DRICH1: variants seen among roughly 807,000 people sequenced by gnomAD.
DRICH1 encodes aspartate-rich protein 1.
A neutral mutation model predicts 39.5 loss-of-function variants in DRICH1; 38 were observed. The observed-to-expected ratio is 0.96, with a 90% CI of 0.74 to 1.26. The LOEUF (loss-of-function observed/expected upper bound fraction) is 1.26. DRICH1 is among the 50% of genes most tolerant of loss of function. The pLI is 0.00. For missense variants in DRICH1, 279 were observed against 270.4 expected (o/e 1.03, Z -0.22); for synonymous variants, 84 against 99.5 (o/e 0.84, Z 0.93).
At chr22:23,620,782 C>G (rs948326023) in intron 4 of DRICH1, among the ~76,000 whole-genome samples, 167 bp from the exon 5 acceptor site, 9 of 140,300 alleles carry the variant, frequency 6.4e-5, no homozygotes, top group South Asian at 2.2e-4. Flanking sequence ...GTGGAAAAGA[C>G]AAGAGTTTTC....
the DRICH1 span, among the ~76,000 whole-genome samples, chr22:23,597,474 G>C: frequency 1.6e-5 from 2 of 127,454 alleles, no homozygotes; most frequent in African/African-American, 6.2e-5. Flanking sequence ...CTGCACTCCA[G>C]CCTGGGTGAC....
At chr22:23,602,020 G>C in the DRICH1 span, among the ~76,000 whole-genome samples, 11 of 27,742 alleles carry the variant, frequency 4.0e-4, no homozygotes, top group African/African-American at 1.4e-3. Context: ...CTGAGAGCAG[G>C]GGCTCACCCC....
At chr22:23,615,216 A>G (rs1927283348) in intron 8 of DRICH1, among the ~76,000 whole-genome samples, 3 of 152,164 alleles carry the variant, frequency 2.0e-5, no homozygotes, top group African/African-American at 7.2e-5. Context: ...TCTACTAAAA[A>G]TACAAAAAAA....
At chr22:23,595,277 G>T in the DRICH1 span, among the ~76,000 whole-genome samples, 1 of 148,826 alleles carries the variant, frequency 6.7e-6, no homozygotes, top group African/African-American at 2.5e-5. Context: ...GTGAAAGTTC[G>T]TGTGTATTCA....
At chr22:23,618,978 C>G (rs978010389) in intron 6 of DRICH1, among the ~76,000 whole-genome samples, 3 of 151,864 alleles carry the variant, frequency 2.0e-5, no homozygotes, top group African/African-American at 7.3e-5. Context: ...TCGAGACCAT[C>G]CTGGCCAACA....
At chr22:23,612,874 C>T (rs1349351806) in intron 11 of DRICH1, among the ~76,000 whole-genome samples, 5 of 152,170 alleles carry the variant, frequency 3.3e-5, no homozygotes, top group Non-Finnish European at 4.4e-5. Flanking sequence ...CCCCTTGGCA[C>T]ACAGCACAAG....
chr22:23,608,623 G>A lies in DRICH1; in HGVS notation c.*141C>T, dbSNP rs981793781. On this transcript the variant is annotated 3_prime_UTR_variant, in exon 12 of 12. Coordinates refer to ENST00000317749, the MANE Select transcript of DRICH1 (RefSeq NM_016449.4). ...TGGCGGTGGGTGGGAAGCAGCCTTG[G>A]ACTTTTTCTCTCTGCTGGGACCAAG... 2 of 869,782 alleles carry A rather than the reference G, an allele frequency of 2.3e-6. No individual in the cohort carries two copies. The highest frequency in any genetic ancestry group is 3.3e-5 in the African/African-American group (2 of 60,020). 53.9% of individuals were successfully genotyped at this position (869,782 alleles called of 1,614,324 possible). A position where few individuals can be genotyped will look rare whatever the true frequency, so the allele number is the denominator to read the frequency against.
chr22:23,620,655 A>G, intron 4 of DRICH1, 40 bp from the exon 5 acceptor site: 1 of 1,608,060 alleles, frequency 6.2e-7, no homozygotes, highest in Non-Finnish European at 8.5e-7. Context: ...GGATCAGATC[A>G]ATTCTGCTGC....
the DRICH1 span, among the ~76,000 whole-genome samples, chr22:23,600,084 A>G: frequency 1.3e-5 from 2 of 152,100 alleles, no homozygotes; most frequent in South Asian, 2.1e-4. Context: ...GGAAAAACGG[A>G]TAAGTAACTG....
chr22:23,621,631 C>T (rs776098381), intron 4 of DRICH1, among the ~76,000 whole-genome samples: 10 of 152,062 alleles, frequency 6.6e-5, no homozygotes, highest in African/African-American at 1.2e-4. Context: ...GTCTCACTTT[C>T]GGCCAGGTGG....
At chr22:23,615,152 T>A (rs1216555495) in intron 8 of DRICH1, among the ~76,000 whole-genome samples, 3 of 152,320 alleles carry the variant, frequency 2.0e-5, no homozygotes, top group Admixed American at 1.3e-4. Context: ...GGTGGGTGGA[T>A]GACCTGAGGT....
intron 7 of DRICH1, 103 bp from the exon 8 acceptor site, chr22:23,616,977 A>G: frequency 7.3e-7 from 1 of 1,371,722 alleles, no homozygotes; most frequent in Admixed American, 1.8e-5. Flanking sequence ...ACTATTTGTA[A>G]GACAGTGGTA....
chr22:23,622,300 G>T (rs201733798), intron 3 of DRICH1, 124 bp from the exon 4 acceptor site: 6 of 851,952 alleles, frequency 7.0e-6, no homozygotes, highest in Non-Finnish European at 1.2e-5. Context: ...GTTAATGCTG[G>T]GCTATTCCCC....
chr22:23,589,836 C>T, the DRICH1 span, among the ~76,000 whole-genome samples: 1 of 152,118 alleles, frequency 6.6e-6, no homozygotes, highest in African/African-American at 2.4e-5. Context: ...AGGGTCTGGG[C>T]CATTCACGCT....
At chr22:23,603,969 G>C, downstream of DRICH1, among the ~76,000 whole-genome samples, 1 of 152,174 alleles carries the variant, frequency 6.6e-6, no homozygotes, top group Non-Finnish European at 1.5e-5. Flanking sequence ...TGATCCCAGT[G>C]TTAACTGTTC....
At chr22:23,592,648 T>C in the DRICH1 span, among the ~76,000 whole-genome samples, 2 of 152,064 alleles carry the variant, frequency 1.3e-5, no homozygotes, top group African/African-American at 4.8e-5. Context: ...GAGAGGCTGA[T>C]ATTGGGCACC....
intron 3 of DRICH1, chr22:23,623,869 G>GTT: frequency 1.2e-6 from 1 of 833,248 alleles, no homozygotes; most frequent in South Asian, 5.4e-5. Flanking sequence ...CTTCAATGAA[G>GTT]GTACCAAGAA....
At chr22:23,603,109 G>A in the DRICH1 span, among the ~76,000 whole-genome samples, 3 of 150,614 alleles carry the variant, frequency 2.0e-5, no homozygotes, top group Non-Finnish European at 3.0e-5. Flanking sequence ...AGGTTCAAGC[G>A]ATTCTCCTAC....
chr22:23,612,047 T>C (rs1457305416), intron 11 of DRICH1, among the ~76,000 whole-genome samples: 1 of 152,116 alleles, frequency 6.6e-6, no homozygotes, highest in African/African-American at 2.4e-5. Context: ...TTGGCATTAT[T>C]TATAACAATG....
Sources: gnomAD v4.1 joint callset for allele counts (sites outside exome capture counted in the v4.1 genomes callset) on GRCh38, gnomAD v4.1.1 for gene constraint, MANE v1.5 for transcripts, NCBI Gene and HGNC (gene_info 2026-07-23, HGNC 2026-07-21) for gene names.